The following LRCH4 variants were observed in gnomAD, a reference collection of about 807,000 sequenced individuals.
LRCH4 encodes the protein leucine rich repeats and calponin homology domain containing 4.
Under a neutral mutation model 81.2 loss-of-function variants are expected in LRCH4, and 56 were observed. That is an observed-to-expected ratio of 0.69 (90% confidence interval 0.56 to 0.86). The LOEUF is 0.86. Ranked by LOEUF, LRCH4 falls within the 40% of genes least tolerant of loss-of-function variation. The pLI is 0.00. For missense variants in LRCH4, 895 were observed against 922.8 expected (o/e 0.97, Z 0.39); for synonymous variants, 442 against 409.7 (o/e 1.08, Z -0.95).
In LRCH4 at chr7:100,577,699, C is replaced by T. The variant is rs1306803852; in HGVS notation, c.1081G>A (p.Val361Ile). ...PVQIDFIDSH[V>I]PGEDEERGTV... ...CCTCGCTCTTCATCCTCCCCGGGGACATGGCTGTCGATGAAGTCAATCTGC... is the reference window on the plus strand; with the variant it reads ...CCTCGCTCTTCATCCTCCCCGGGGATATGGCTGTCGATGAAGTCAATCTGC... Residue 361 changes from valine (V) to isoleucine (I), a missense_variant, in exon 9 of 18, where the codon GTC (valine) becomes ATC (isoleucine). Coordinates refer to ENST00000310300, the MANE Select transcript of LRCH4 (RefSeq NM_002319.5). This position sits in a 1 kb window ranked among gnomAD's most constrained non-coding sequence, Gnocchi z 6.7. The T allele has an allele frequency of 9.3e-6, 15 of 1,613,964 alleles. No homozygotes were observed. Among genetic ancestry groups the T allele is most frequent in the Non-Finnish European group, 2.5e-6 (3 of 1,180,032 alleles).
In LRCH4 at chr7:100,578,327, G is replaced by A. The variant is rs933305595; in HGVS notation, c.849-69C>T. 4 of 1,600,898 alleles carry A rather than the reference G, an allele frequency of 2.5e-6. No individual in the cohort carries two copies. The highest frequency in any genetic ancestry group is 2.7e-5 in the African/African-American group (2 of 74,786). On this transcript the variant is annotated intron_variant, in intron 6 of 17. Coordinates refer to ENST00000310300, the MANE Select transcript of LRCH4 (RefSeq NM_002319.5). The surrounding 1 kb of genome is among the most constrained non-coding windows in gnomAD (Gnocchi z 5.7). ...CAGCCCCCCATCCTCCTGCCAGAAA[G>A]CAGGGGGTGCCTGGGGCCGGGAAGG...
Position 100,577,849 on chromosome 7 carries a change from G to GC in LRCH4, c.1011_1012insG (p.Pro338AlafsTer18), listed in dbSNP as rs1562806177. 1 of 1,612,862 alleles carries GC rather than the reference G, an allele frequency of 6.2e-7. No homozygotes were observed. The highest frequency in any genetic ancestry group is 2.2e-5 in the East Asian group (1 of 44,868). On this transcript the variant is annotated frameshift_variant, in exon 8 of 18. Transcript: ENST00000310300. LOFTEE classifies it high-confidence loss of function. This position sits in a 1 kb window ranked among gnomAD's most constrained non-coding sequence, Gnocchi z 6.7. Reference sequence around the variant, plus strand: ...GAGCCATCCTCCTTGCGTTCTCTGGGTCCCCGGGGCTCCCGGGCCAGCTCT... The same window carrying GC: ...GAGCCATCCTCCTTGCGTTCTCTGGGCTCCCCGGGGCTCCCGGGCCAGCTCT...
rs1157125720 is a variant in LRCH4 at position 100,575,311 on chromosome 7, G to A, written c.1855-7C>T. ...AGGGCGAGCACAGGTCAGCCTGGGG[G>A]AGAGGAGAGCAGGTGGACAAGGACA... On this transcript the variant is annotated splice_polypyrimidine_tract_variant and splice_region_variant and intron_variant, in intron 17 of 17. Coordinates refer to ENST00000310300, the MANE Select transcript of LRCH4 (RefSeq NM_002319.5). The surrounding 1 kb of genome is among the most constrained non-coding windows in gnomAD (Gnocchi z 5.3). 1 of 1,536,270 alleles carries A rather than the reference G, an allele frequency of 6.5e-7. No homozygotes were observed.
At chr7:100,581,327 C>T (rs1291751910) in intron 4 of LRCH4, among the ~76,000 whole-genome samples, 1 of 152,226 alleles carries the variant, frequency 6.6e-6, no homozygotes. Context: ...AGGTGTAATT[C>T]TCCTCTGAAG....
Position 100,575,177 on chromosome 7 carries a change from C to T in LRCH4, c.1982G>A (p.Gly661Asp). The stretch of plus-strand genomic sequence containing the variant: ...GAGGACCACGTAGAAGACGACGAAG[C>T]CGCCCAGACCAGAGGGGGGCCAGAG... The part of the protein sequence containing the change: ...PPLWPPSGLG[G>D]FVVFYVVLML... Residue 661 changes from glycine (G) to aspartate (D), a missense_variant, in exon 18 of 18, where the codon GGC becomes GAC. By Grantham distance (94) the Gly-to-Asp change is moderately conservative (BLOSUM62 -1). Around this residue, in one of 3 missense-constraint regions of LRCH4, gnomAD observed 529 missense variants for 504.9 expected, o/e 1.05. Coordinates refer to ENST00000310300, the MANE Select transcript of LRCH4 (RefSeq NM_002319.5). The surrounding 1 kb of genome is among the most constrained non-coding windows in gnomAD (Gnocchi z 5.3). 6.2e-7 allele frequency: 1 copy of T among 1,613,238 alleles called. No homozygotes were observed.
chr7:100,581,329 C>T (rs2131202908), intron 4 of LRCH4, among the ~76,000 whole-genome samples: 1 of 152,316 alleles, frequency 6.6e-6, no homozygotes, highest in Middle Eastern at 3.4e-3. Context: ...GTGTAATTCT[C>T]CTCTGAAGAT....
chr7:100,578,783 A>C lies in LRCH4; in HGVS notation c.602T>G (p.Leu201Arg). The C allele has an allele frequency of 6.2e-7, 1 of 1,613,202 alleles. No individual in the cohort carries two copies. Among genetic ancestry groups the C allele is most frequent in the Non-Finnish European group, 8.5e-7 (1 of 1,179,874 alleles). Residue 201 changes from leucine (L) to arginine (R), a missense_variant, in exon 5 of 18, where the codon CTG becomes CGG. Leu to Arg is a moderately radical substitution (Grantham distance 102, BLOSUM62 -2). Coordinates refer to ENST00000310300, the MANE Select transcript of LRCH4 (RefSeq NM_002319.5). This position sits in a 1 kb window ranked among gnomAD's most constrained non-coding sequence, Gnocchi z 5.7. ...CAGGCGGACCAGAGGGAGGTCCCCC[A>C]GCTCTGGAACAGGTGGGCAAGGGAA... is the stretch of plus-strand genomic sequence containing the variant. ...RNQLSTLPEELGDLPLVRLDF... is the reference protein window; with the variant it reads ...RNQLSTLPEERGDLPLVRLDF...
rs368111306 is a variant in LRCH4 at position 100,578,771 on chromosome 7, G to A, written c.614C>T (p.Pro205Leu). Residue 205 changes from proline (P) to leucine (L), a missense_variant, in exon 5 of 18, where the codon CCT (proline) becomes CTT (leucine). Coordinates refer to ENST00000310300, the MANE Select transcript of LRCH4 (RefSeq NM_002319.5). This position sits in a 1 kb window ranked among gnomAD's most constrained non-coding sequence, Gnocchi z 5.7. ...STLPEELGDL[P>L]LVRLDFSCNR... Reference sequence around the variant, plus strand: ...ACAGGAGAAATCCAGGCGGACCAGAGGGAGGTCCCCCAGCTCTGGAACAGG... The same window carrying A: ...ACAGGAGAAATCCAGGCGGACCAGAAGGAGGTCCCCCAGCTCTGGAACAGG... 4.0e-5 allele frequency: 65 copies of A among 1,613,480 alleles called. No individual in the cohort carries two copies. Among genetic ancestry groups the A allele is most frequent in the Middle Eastern group, 1.8e-4 (1 of 5,680 alleles).
Position 100,575,419 on chromosome 7 carries a change from C to T in LRCH4, c.1855-115G>A. On this transcript the variant is annotated intron_variant, in intron 17 of 17. Coordinates refer to ENST00000310300, the MANE Select transcript of LRCH4 (RefSeq NM_002319.5). This position sits in a 1 kb window ranked among gnomAD's most constrained non-coding sequence, Gnocchi z 5.3. The stretch of plus-strand genomic sequence containing the variant: ...CTGGGGCCAGAACCACGCCCACATG[C>T]TGACGTGCTGGGCAGGGGGAGTGCA... 9.9e-7 allele frequency: 1 copy of T among 1,008,590 alleles called. No individual in the cohort carries two copies. The allele number at this position is 1,008,590 out of a possible 1,614,324, so 62.5% of individuals were successfully genotyped here.
chr7:100,584,788 G>A (rs908423200), intron 1 of LRCH4: 13 of 456,664 alleles, frequency 2.8e-5, no homozygotes, highest in African/African-American at 2.6e-4. Flanking sequence ...GTTCCCAGGT[G>A]AGCAGGCACC....
chr7:100,574,456 G>A lies in LRCH4; in HGVS notation c.*651C>T, dbSNP rs1339528755. 1 of 153,460 alleles carries A rather than the reference G, an allele frequency of 6.5e-6. No homozygotes were observed. The highest frequency in any genetic ancestry group is 1.5e-5 in the Non-Finnish European group (1 of 68,082). 9.5% of individuals were successfully genotyped at this position (153,460 alleles called of 1,614,324 possible). A position where few individuals can be genotyped will look rare whatever the true frequency, so the allele number is the denominator to read the frequency against. On this transcript the variant is annotated 3_prime_UTR_variant, in exon 18 of 18. Transcript: ENST00000310300. ...AGACCCGAGCATCACCGTGCGCTCG[G>A]GGCTCGGCGACAAATGAGACGCAAG...
rs758579424 is a variant in LRCH4, at chr7:100,577,492, G to T, written c.1178+5C>A. Reference sequence around the variant, plus strand: ...CAGTGGCGTCAGTTTGGGGGCTTGGGGTACCTGCTGCTTGGTGCCCTCTCC... The same window carrying T: ...CAGTGGCGTCAGTTTGGGGGCTTGGTGTACCTGCTGCTTGGTGCCCTCTCC... On this transcript the variant is annotated splice_donor_5th_base_variant and intron_variant, in intron 10 of 17. Transcript: ENST00000310300. This position sits in a 1 kb window ranked among gnomAD's most constrained non-coding sequence, Gnocchi z 6.7. 1.2e-6 allele frequency: 2 copies of T among 1,608,190 alleles called. No individual in the cohort carries two copies. The highest frequency in any genetic ancestry group is 1.7e-6 in the Non-Finnish European group (2 of 1,179,968).
Position 100,582,353 on chromosome 7 carries a change from G to A in LRCH4, c.327C>T (p.Ala109=), listed in dbSNP as rs768085857. 21 of 1,614,074 alleles carry A rather than the reference G, an allele frequency of 1.3e-5. No homozygotes were observed. The highest frequency in any genetic ancestry group is 1.7e-5 in the Non-Finnish European group (20 of 1,180,042). The change falls in exon 2 of 18, where the codon GCC becomes GCT. Residue 109 remains alanine (A), a synonymous_variant. Coordinates refer to ENST00000310300, the MANE Select transcript of LRCH4 (RefSeq NM_002319.5). The surrounding 1 kb of genome is among the most constrained non-coding windows in gnomAD (Gnocchi z 5.0). ...AGGTGAGGGCTGTGAGATTCCCCAA[G>A]GCTGGGTTCAGGCATCTCAGGCAAT... ...YHNCLRCLNP[A]LGNLTALTYL...
In LRCH4 at chr7:100,576,996, A is replaced by G. The variant is rs1294515476; in HGVS notation, c.1374T>C (p.Pro458=). ...CCCCTGCTTGGGAGGCACTGGACTT[A>G]GGCGAGCCGCTGAGGAGAGACAGAA... is the stretch of plus-strand genomic sequence containing the variant. ...VSTQAMHNGS[P]KSSASQAGAA... Residue 458 remains proline, a synonymous_variant, in exon 13 of 18, where the codon CCT becomes CCC. Coordinates refer to ENST00000310300, the MANE Select transcript of LRCH4 (RefSeq NM_002319.5). The G allele has an allele frequency of 1.2e-6, 2 of 1,611,238 alleles. No homozygotes were observed. Among genetic ancestry groups the G allele is most frequent in the Non-Finnish European group, 1.7e-6 (2 of 1,178,028 alleles).
At position 100,576,921 on chromosome 7, in the gene LRCH4, G is replaced by A. The variant is rs548286232; in HGVS notation, c.1449C>T (p.Pro483=). ...APAPAPASQE[P]LPIAGPATAP... is the part of the protein sequence containing the mutation. ...TCCCACCTGGTCCAGCTATGGGAAG[G>A]GGCTCTTGGGAGGCAGGGGCAGGGG... Residue 483 remains proline, a synonymous_variant, in exon 13 of 18, where the codon CCC becomes CCT. Coordinates refer to ENST00000310300, the MANE Select transcript of LRCH4 (RefSeq NM_002319.5). 1.0e-5 allele frequency: 16 copies of A among 1,560,476 alleles called. 1 individual carries two copies. The South Asian group carries it at 1.7e-4, about 17-fold the overall frequency.
Position 100,576,902 on chromosome 7 carries a change from C to T in LRCH4, c.1468G>A (p.Ala490Thr). ...SQEPLPIAGP[A>T]TAPAPRPLGS... ...CCTCCTCCCAAAATCCCTGTCCCAC[C>T]TGGTCCAGCTATGGGAAGGGGCTCT... The change falls in exon 13 of 18, where the codon GCG (alanine) becomes ACG (threonine). Residue 490 changes from alanine (A) to threonine (T), a missense_variant and splice_region_variant. Transcript: ENST00000310300. The T allele has an allele frequency of 6.4e-7, 1 of 1,550,932 alleles. No individual in the cohort carries two copies. Among genetic ancestry groups the T allele is most frequent in the Non-Finnish European group, 8.7e-7 (1 of 1,144,630 alleles).
intron 15 of LRCH4, 60 bp from the exon 16 acceptor site, chr7:100,576,068 G>C: frequency 6.4e-7 from 1 of 1,550,866 alleles, no homozygotes; most frequent in Non-Finnish European, 8.7e-7. Context: ...GGGAGGCAGG[G>C]AGAGTGGGGG....
At position 100,575,162 on chromosome 7, in the gene LRCH4, T is replaced by C. The variant is rs777507142; in HGVS notation, c.1997A>G (p.Tyr666Cys). Residue 666 changes from tyrosine (Y) to cysteine (C), a missense_variant, in exon 18 of 18, where the codon TAC becomes TGC. By Grantham distance (194) the Tyr-to-Cys change is radical. Coordinates refer to ENST00000310300, the MANE Select transcript of LRCH4 (RefSeq NM_002319.5). The surrounding 1 kb of genome is among the most constrained non-coding windows in gnomAD (Gnocchi z 5.3). The stretch of plus-strand genomic sequence containing the variant: ...ATAGAGCAGCAGCATGAGGACCACG[T>C]AGAAGACGACGAAGCCGCCCAGACC... Reference protein sequence around the residue: ...PSGLGGFVVFYVVLMLLLYVT... With the variant: ...PSGLGGFVVFCVVLMLLLYVT... The C allele has an allele frequency of 2.5e-6, 4 of 1,613,370 alleles. No homozygotes were observed. The highest frequency in any genetic ancestry group is 1.3e-5 in the African/African-American group (1 of 74,974).
In LRCH4 at chr7:100,581,292, T is replaced by C. The variant is rs760142; in HGVS notation, c.598+485A>G. On this transcript the variant is annotated intron_variant, in intron 4 of 17. Transcript: ENST00000310300. ...ATCAGATCGTTTACAGTTTGTTTTATATACTGCAAAAGCCTGGACAATGAA... is the reference window on the plus strand; with the variant it reads ...ATCAGATCGTTTACAGTTTGTTTTACATACTGCAAAAGCCTGGACAATGAA... Among the ~76,000 whole-genome samples the C allele has an allele frequency of 4.1e-3, 622 of 152,356 alleles. 6 individuals carry two copies. Among genetic ancestry groups the C allele is most frequent in the African/African-American group, 0.014 (576 of 41,586 alleles).
Sources: gnomAD v4.1 joint callset for allele counts (sites outside exome capture counted in the v4.1 genomes callset) on GRCh38, gnomAD v4.1.1 for gene constraint, gnomAD v4.1.1 regional missense constraint, Gnocchi (gnomAD v3.1) non-coding constraint, MANE v1.5 for transcripts, NCBI Gene and HGNC (gene_info 2026-07-23, HGNC 2026-07-21) for gene names.